PDE7B: variants seen among roughly 807,000 people sequenced by gnomAD.
PDE7B encodes the protein phosphodiesterase 7B.
Under a neutral mutation model 56.2 loss-of-function variants are expected in PDE7B, and 29 were observed. The observed-to-expected ratio is 0.52, with a 90% CI of 0.38 to 0.70. The LOEUF is 0.70. PDE7B is among the 30% of genes least tolerant of loss of function. The pLI, the probability that PDE7B is intolerant of heterozygous loss-of-function variation, is 0.00. For synonymous variants in PDE7B, 197 were observed against 196.9 expected (o/e 1.00, Z 0.00); for missense variants, 490 against 565.0 (o/e 0.87, Z 1.35).
chr6:136,155,923 G>T (rs763196303), intron 8 of PDE7B, 165 bp downstream of exon 8: 14 of 787,938 alleles, frequency 1.8e-5, no homozygotes, highest in African/African-American at 3.4e-5. Flanking sequence ...AAACTCAGAT[G>T]CTCAAAATGA....
At chr6:135,929,359 A>G (rs888875322) in intron 1 of PDE7B, among the ~76,000 whole-genome samples, 14 of 152,214 alleles carry the variant, frequency 9.2e-5, no homozygotes, top group Non-Finnish European at 1.6e-4. Flanking sequence ...AGTTTTATCT[A>G]TAACTATGCT....
intron 3 of PDE7B, among the ~76,000 whole-genome samples, chr6:136,109,129 G>A (rs1777704472): frequency 6.6e-6 from 1 of 152,146 alleles, no homozygotes; most frequent in African/African-American, 2.4e-5. Flanking sequence ...TGGGAGGATT[G>A]CTTCAGCCCA....
intron 8 of PDE7B, among the ~76,000 whole-genome samples, chr6:136,173,067 G>A (rs1396004544): frequency 1.3e-5 from 2 of 152,012 alleles, no homozygotes; most frequent in African/African-American, 2.4e-5. Context: ...TCATGAAAAT[G>A]GCCATACTGC....
intron 2 of PDE7B, among the ~76,000 whole-genome samples, chr6:136,074,443 A>G (rs866495137): frequency 2.0e-5 from 3 of 152,150 alleles, no homozygotes; most frequent in African/African-American, 7.2e-5. Context: ...AAGCAATCCA[A>G]TTATACTTTT....
intron 2 of PDE7B, among the ~76,000 whole-genome samples, chr6:136,002,494 G>A (rs919349666): frequency 2.0e-5 from 3 of 152,126 alleles, no homozygotes; most frequent in African/African-American, 4.8e-5. Context: ...CAAAATAAAA[G>A]GATAGAGGAA....
Position 136,091,598 on chromosome 6 carries a change from T to C in PDE7B, c.83-17133T>C, listed in dbSNP as rs562197446. On this transcript the variant is annotated intron_variant, in intron 2 of 12. Coordinates refer to ENST00000308191, the MANE Select transcript of PDE7B (RefSeq NM_018945.4). ...TAAGATTCTCTGAACATTGATTCTATGAAGTGTGTTAACCTCAAGAAGTAT... is the reference window on the plus strand; with the variant it reads ...TAAGATTCTCTGAACATTGATTCTACGAAGTGTGTTAACCTCAAGAAGTAT... 4.6e-5 allele frequency among the ~76,000 whole-genome samples: 7 copies of C among 152,344 alleles called. No individual in the cohort carries two copies. In the South Asian group the frequency reaches 1.4e-3, roughly 32 times the overall value.
intron 3 of PDE7B, among the ~76,000 whole-genome samples, chr6:136,119,516 G>C (rs1037443513): frequency 2.0e-5 from 3 of 152,178 alleles, no homozygotes; most frequent in Admixed American, 6.5e-5. Context: ...GCCTAAATTG[G>C]AAAATTGGTT....
chr6:135,888,318 C>T (rs540728401), intron 1 of PDE7B, among the ~76,000 whole-genome samples: 32 of 152,208 alleles, frequency 2.1e-4, no homozygotes, highest in Non-Finnish European at 3.1e-4. Flanking sequence ...CCAGATCTAA[C>T]GGCAAATCTA....
chr6:136,063,377 A>G (rs1776876232), intron 2 of PDE7B, among the ~76,000 whole-genome samples: 1 of 152,206 alleles, frequency 6.6e-6, no homozygotes, highest in Non-Finnish European at 1.5e-5. Context: ...AACCACAAAT[A>G]TCTCACAAAA....
At chr6:136,156,202 T>TGTGTGTGTGTGTGC in intron 8 of PDE7B, 1 of 324,622 alleles carries the variant, frequency 3.1e-6, no homozygotes, top group Non-Finnish European at 6.0e-6. Context: ...TGTGTGTGTG[T>TGTGTGTGTGTGTGC]TTTCAGAAAC....
At chr6:136,006,198 C>A (rs9689292) in intron 2 of PDE7B, among the ~76,000 whole-genome samples, 9,857 of 109,130 alleles carry the variant, frequency 0.09, 732 homozygotes, top group African/African-American at 0.22. Flanking sequence ...CACTCTGGGG[C>A]CTGTTGTGGG....
At chr6:136,172,033 A>G (rs1778892238) in intron 8 of PDE7B, among the ~76,000 whole-genome samples, 1 of 152,008 alleles carries the variant, frequency 6.6e-6, no homozygotes, top group African/African-American at 2.4e-5. Flanking sequence ...AATCCAGTCT[A>G]TCATTGTTGG....
At chr6:136,033,045 G>C (rs1776267115) in intron 2 of PDE7B, among the ~76,000 whole-genome samples, 1 of 152,196 alleles carries the variant, frequency 6.6e-6, no homozygotes, top group African/African-American at 2.4e-5. Context: ...ATTCTGAAAA[G>C]TGTACTCTAC....
At chr6:136,035,004 A>T (rs1162176174) in intron 2 of PDE7B, 1 of 152,154 alleles carries the variant, frequency 6.6e-6, no homozygotes, top group African/African-American at 2.4e-5. Context: ...AGTTCTCATT[A>T]TTTTGGGTTG....
In PDE7B at chr6:135,923,191, T is replaced by C. The variant is rs148507180; in HGVS notation, c.22-24273T>C. Among the ~76,000 whole-genome samples, 4 of 152,332 alleles carry C rather than the reference T, an allele frequency of 2.6e-5. No homozygotes were observed. The East Asian group carries it at 7.7e-4, about 29-fold the overall frequency. ...ATGTCCCTTCTTTTGTCACACAAAA[T>C]AGAATATTTCTCTTGAAAAAGGCTC... On this transcript the variant is annotated intron_variant, in intron 1 of 12. Coordinates refer to ENST00000308191, the MANE Select transcript of PDE7B (RefSeq NM_018945.4).
intron 2 of PDE7B, among the ~76,000 whole-genome samples, chr6:136,071,769 G>C (rs145415968): frequency 1.5e-4 from 23 of 152,164 alleles, no homozygotes; most frequent in African/African-American, 5.1e-4. Flanking sequence ...CTCCAGCCTG[G>C]GCAACTGAGC....
intron 8 of PDE7B, among the ~76,000 whole-genome samples, chr6:136,172,482 G>T (rs1349860197): frequency 2.0e-5 from 3 of 151,988 alleles, no homozygotes; most frequent in African/African-American, 7.2e-5. Flanking sequence ...TTTTAATGGG[G>T]TTATTTTTTT....
chr6:135,961,666 A>G (rs1391760691), intron 2 of PDE7B, among the ~76,000 whole-genome samples: 1 of 152,184 alleles, frequency 6.6e-6, no homozygotes, highest in Non-Finnish European at 1.5e-5. Flanking sequence ...ACACTTGAAA[A>G]TAAATGTCCC....
chr6:135,867,436 TTTAAG>T (rs1392443417), intron 1 of PDE7B, among the ~76,000 whole-genome samples: 1 of 151,888 alleles, frequency 6.6e-6, no homozygotes, highest in African/African-American at 2.4e-5. Context: ...TTTTTTAACT[TTTAAG>T]GTCAGGGGTA....
Sources: allele counts gnomAD v4.1 joint callset (sites outside exome capture counted in the v4.1 genomes callset), GRCh38; gene constraint gnomAD v4.1.1; transcripts MANE v1.5; gene names NCBI Gene and HGNC (gene_info 2026-07-23, HGNC 2026-07-21).